The following MICU3 variants were observed in gnomAD, a reference collection of about 807,000 sequenced individuals.
The protein encoded by MICU3 is mitochondrial calcium uptake 3, also known as calcium uptake protein 3, mitochondrial.
In MICU3, 62 loss-of-function variants were observed where a neutral mutation model predicts 66.5. That is an observed-to-expected ratio of 0.93 (90% CI 0.76 to 1.15). MICU3 has a LOEUF of 1.15. Among genes scored for constraint, MICU3 ranks in the 50% most tolerant of loss-of-function variants. MICU3 has a pLI of 0.00. For synonymous variants in MICU3, 308 were observed against 240.7 expected (o/e 1.28, Z -2.59); for missense variants, 779 against 664.4 (o/e 1.17, Z -1.90).
chr8:17,034,993 G>C (rs1440875689), intron 1 of MICU3, among the ~76,000 whole-genome samples: 1 of 152,204 alleles, frequency 6.6e-6, no homozygotes, highest in Non-Finnish European at 1.5e-5. Context: ...GACCCAGTGG[G>C]AGGTGATTGA....
chr8:17,060,231 T>C (rs555103303), intron 1 of MICU3, among the ~76,000 whole-genome samples: 20 of 152,294 alleles, frequency 1.3e-4, no homozygotes, highest in East Asian at 3.9e-4. Flanking sequence ...GTTCTCCTAG[T>C]TGATAATAAG....
In MICU3 at chr8:17,060,136, A is replaced by G. The variant is rs145696776; in HGVS notation, c.382-3948A>G. On this transcript the variant is annotated intron_variant, in intron 1 of 14. Transcript: ENST00000318063. ...AAAGAGACAAATAAGTTTGTAGAAG[A>G]GAACAGAGAACTTAAAAACCAACCC... Among the ~76,000 whole-genome samples, 3 of 152,312 alleles carry G rather than the reference A, an allele frequency of 2.0e-5. No individual in the cohort carries two copies. The East Asian group carries it at 5.8e-4, about 29-fold the overall frequency.
the MICU3 span, chr8:17,131,498 T>G: frequency 0.049 from 7,500 of 152,510 alleles, 624 homozygotes; most frequent in African/African-American, 0.17. Flanking sequence ...AACCGAAATC[T>G]GGAGAAGCAG....
At chr8:17,085,477 A>G (rs1385381286) in intron 6 of MICU3, among the ~76,000 whole-genome samples, 159 bp downstream of exon 6, 2 of 152,142 alleles carry the variant, frequency 1.3e-5, no homozygotes, top group Non-Finnish European at 2.9e-5. Flanking sequence ...ACTTTGAACA[A>G]TATTTACATT....
chr8:17,087,103 A>T, intron 7 of MICU3, 68 bp downstream of exon 7: 2 of 1,047,158 alleles, frequency 1.9e-6, no homozygotes, highest in Non-Finnish European at 1.4e-6. Context: ...ATGTTAAGAA[A>T]CAATAATTAA....
intron 3 of MICU3, among the ~76,000 whole-genome samples, chr8:17,077,515 G>T (rs1295664856): frequency 6.6e-6 from 1 of 152,110 alleles, no homozygotes; most frequent in African/African-American, 2.4e-5. Context: ...GTTGTCTTAT[G>T]TATAACCTCC....
the MICU3 span, among the ~76,000 whole-genome samples, chr8:17,137,074 C>T: frequency 4.6e-5 from 7 of 152,082 alleles, no homozygotes; most frequent in Middle Eastern, 3.4e-3. Context: ...ACCTCATGAT[C>T]GGCCTCCCAA....
the MICU3 span, among the ~76,000 whole-genome samples, chr8:17,134,724 G>A: frequency 1.3e-5 from 2 of 152,162 alleles, no homozygotes; most frequent in South Asian, 2.1e-4. Context: ...GATCATAGGC[G>A]TGAGCCACCA....
intron 1 of MICU3, among the ~76,000 whole-genome samples, chr8:17,028,627 T>A (rs1360206601): frequency 6.6e-6 from 1 of 152,254 alleles, no homozygotes. Context: ...GCAGTGGTGA[T>A]CTGATGTAAG....
At chr8:17,115,591 T>C (rs922151991) in intron 12 of MICU3, among the ~76,000 whole-genome samples, 1 of 152,220 alleles carries the variant, frequency 6.6e-6, no homozygotes, top group Non-Finnish European at 1.5e-5. Context: ...GGTTATTACC[T>C]CTTAAAAGGA....
downstream of MICU3, among the ~76,000 whole-genome samples, chr8:17,124,250 T>A (rs1803345561): frequency 6.6e-6 from 1 of 152,136 alleles, no homozygotes; most frequent in South Asian, 2.1e-4. Context: ...TCAGTTATTA[T>A]ATTTGCTTCC....
intron 1 of MICU3, among the ~76,000 whole-genome samples, chr8:17,051,395 G>T (rs1446640638): frequency 6.6e-6 from 1 of 152,074 alleles, no homozygotes; most frequent in Non-Finnish European, 1.5e-5. Context: ...AACAATTCCT[G>T]CGTTCATGGA....
At chr8:17,036,912 G>A (rs976782978) in intron 1 of MICU3, among the ~76,000 whole-genome samples, 2 of 152,246 alleles carry the variant, frequency 1.3e-5, no homozygotes, top group Non-Finnish European at 2.9e-5. Context: ...AGCCCACGGA[G>A]TGGGTGGGAG....
intron 4 of MICU3, among the ~76,000 whole-genome samples, chr8:17,078,640 A>G (rs1820732261): frequency 6.6e-6 from 1 of 152,052 alleles, no homozygotes; most frequent in Non-Finnish European, 1.5e-5. Flanking sequence ...ATCAATTTTA[A>G]CCAATATTGG....
the MICU3 span, among the ~76,000 whole-genome samples, chr8:17,133,958 C>A: frequency 1.3e-5 from 2 of 152,128 alleles, no homozygotes; most frequent in Non-Finnish European, 2.9e-5. Flanking sequence ...GTAAGACTAA[C>A]GTGCCTCCAT....
chr8:17,048,680 A>T (rs1330426530), intron 1 of MICU3, among the ~76,000 whole-genome samples: 1 of 152,074 alleles, frequency 6.6e-6, no homozygotes, highest in Non-Finnish European at 1.5e-5. Flanking sequence ...TGGTGGTGTG[A>T]TCACCCCTCA....
the MICU3 span, among the ~76,000 whole-genome samples, chr8:17,138,247 A>C: frequency 2.6e-5 from 4 of 152,120 alleles, no homozygotes; most frequent in Admixed American, 2.0e-4. Flanking sequence ...GGTTTGCATT[A>C]AAAAGGGTGT....
chr8:17,113,827 T>G (rs1451660738), intron 11 of MICU3, among the ~76,000 whole-genome samples: 3 of 150,650 alleles, frequency 2.0e-5, no homozygotes, highest in Non-Finnish European at 3.0e-5. Flanking sequence ...TTATTGGAGC[T>G]TTTTTTTTGG....
At chr8:17,118,368 C>G (rs1443969024) in intron 13 of MICU3, among the ~76,000 whole-genome samples, 1 of 151,762 alleles carries the variant, frequency 6.6e-6, no homozygotes, top group South Asian at 2.1e-4. Context: ...ATGATTATAT[C>G]AAACTTATTA....
Sources: allele counts gnomAD v4.1 joint callset (sites outside exome capture counted in the v4.1 genomes callset), GRCh38; gene constraint gnomAD v4.1.1; transcripts MANE v1.5; gene names NCBI Gene and HGNC (gene_info 2026-07-23, HGNC 2026-07-21).